ANK2: variants seen among roughly 807,000 people sequenced by gnomAD.
ANK2 encodes the protein ankyrin-2.
In ANK2, 83 loss-of-function variants were observed where a neutral mutation model predicts 360.5. That is an observed-to-expected ratio of 0.23 (90% CI 0.19 to 0.28). ANK2 has a LOEUF of 0.28. Ranked by LOEUF, ANK2 falls within the 10% of genes least tolerant of loss-of-function variation. The pLI, the probability that ANK2 is intolerant of heterozygous loss-of-function variation, is 1.00. For missense variants in ANK2, 4,201 were observed against 4,795.7 expected, an observed-to-expected ratio of 0.88 and a Z score of 3.66; for synonymous variants, 1,740 against 1,759.5, an observed-to-expected ratio of 0.99 and a Z score of 0.28.
chr4:112,825,933 C>T (rs549734631), intron 1 of ANK2, among the ~76,000 whole-genome samples: 1 of 152,152 alleles, frequency 6.6e-6, no homozygotes, highest in East Asian at 1.9e-4. Context: ...AGGGTGGGCA[C>T]CTCTCCATGA....
chr4:112,728,432 C>CA, the ANK2 span, among the ~76,000 whole-genome samples: 15 of 150,904 alleles, frequency 9.9e-5, no homozygotes, highest in African/African-American at 3.2e-4. Flanking sequence ...TTCTTAGACA[C>CA]ACACAATCTA....
intron 1 of ANK2, 61 bp from the exon 2 acceptor site, chr4:113,174,355 T>C: frequency 7.3e-7 from 1 of 1,365,996 alleles, no homozygotes. Flanking sequence ...CTTGTCTTTC[T>C]GTATTGGATA....
chr4:113,231,981 A>G (rs1447135514), intron 4 of ANK2, among the ~76,000 whole-genome samples, 180 bp from the exon 5 acceptor site: 1 of 152,196 alleles, frequency 6.6e-6, no homozygotes, highest in African/African-American at 2.4e-5. Flanking sequence ...TCATTGCTTT[A>G]GGAATTGTGT....
chr4:112,818,213 C>T (rs894170344), exon 1 of ANK2: 8 of 152,388 alleles, frequency 5.2e-5, no homozygotes, highest in African/African-American at 1.7e-4. Context: ...CTCCGGGGCC[C>T]CTCCTGCTGC....
intron 1 of ANK2, among the ~76,000 whole-genome samples, chr4:113,161,073 T>A (rs1459084074): frequency 2.0e-5 from 3 of 152,226 alleles, no homozygotes; most frequent in Non-Finnish European, 4.4e-5. Context: ...CTTGGGCATC[T>A]GGGCTAAAGT....
chr4:112,821,535 A>AGTCT (rs1169230637), intron 1 of ANK2, among the ~76,000 whole-genome samples: 3 of 145,188 alleles, frequency 2.1e-5, no homozygotes, highest in Non-Finnish European at 4.5e-5. Flanking sequence ...ACTGGGTCTC[A>AGTCT]GTCTGTCACC....
Position 113,360,908 on chromosome 4 carries a change from T to C in ANK2, c.10756+11T>C, listed in dbSNP as rs1339135184. The C allele has an allele frequency of 6.2e-7, 1 of 1,610,668 alleles. No homozygotes were observed. Among genetic ancestry groups the C allele is most frequent in the East Asian group, 2.2e-5 (1 of 44,704 alleles). On this transcript the variant is annotated intron_variant, in intron 39 of 45. Transcript: ENST00000357077. ...GCTTCAGCTGGACAGGTAAAAAGAA[T>C]GTGACCCAGGTTTTCAACAAAACCT...
At chr4:113,017,543 AGTC>A (rs2056966104) in intron 2 of ANK2, among the ~76,000 whole-genome samples, 4 of 152,214 alleles carry the variant, frequency 2.6e-5, no homozygotes, top group Non-Finnish European at 5.9e-5. Flanking sequence ...TCTATAATTT[AGTC>A]AACTGACTCT....
chr4:113,352,844 T>C (rs1588882213), intron 37 of ANK2, among the ~76,000 whole-genome samples: 1 of 152,262 alleles, frequency 6.6e-6, no homozygotes, highest in East Asian at 1.9e-4. Flanking sequence ...TTTTTCCTTT[T>C]CAGTTGTTTT....
chr4:112,915,472 CA>C (rs1250397854), intron 2 of ANK2, among the ~76,000 whole-genome samples: 1 of 151,728 alleles, frequency 6.6e-6, no homozygotes, highest in East Asian at 1.9e-4. Flanking sequence ...TTCATTTGGC[CA>C]GGTGCAGTGG....
intron 1 of ANK2, among the ~76,000 whole-genome samples, chr4:113,134,784 T>C (rs1428070938): frequency 6.6e-6 from 1 of 152,228 alleles, no homozygotes; most frequent in Non-Finnish European, 1.5e-5. Flanking sequence ...CTTGGTCTAC[T>C]AAATATTATA....
intron 1 of ANK2, among the ~76,000 whole-genome samples, chr4:113,122,527 C>T (rs574691854): frequency 2.6e-5 from 4 of 152,018 alleles, no homozygotes; most frequent in Non-Finnish European, 5.9e-5. Context: ...GTTAACTTCC[C>T]AGAACCCCTT....
At chr4:112,793,225 G>A in the ANK2 span, among the ~76,000 whole-genome samples, 13 of 151,976 alleles carry the variant, frequency 8.6e-5, no homozygotes, top group African/African-American at 3.1e-4. Context: ...TTTTAAAAGC[G>A]CTGACTTGAC....
intron 4 of ANK2, among the ~76,000 whole-genome samples, chr4:113,208,347 T>A (rs1482991880): frequency 6.6e-6 from 1 of 151,936 alleles, no homozygotes; most frequent in Non-Finnish European, 1.5e-5. Context: ...GTTATAAGAC[T>A]GATTAAGGAC....
chr4:113,318,637 T>A lies in ANK2; in HGVS notation c.2900+17T>A. Reference sequence around the variant, plus strand: ...TCATTCAGGGTGAGTAAATCAATATTATGTATCCTGATCAAGAGGTAAAAA... The same window carrying A: ...TCATTCAGGGTGAGTAAATCAATATAATGTATCCTGATCAAGAGGTAAAAA... On this transcript the variant is annotated intron_variant, in intron 26 of 45. Transcript: ENST00000357077. The A allele has an allele frequency of 6.3e-7, 1 of 1,580,774 alleles. No homozygotes were observed. The highest frequency in any genetic ancestry group is 8.7e-7 in the Non-Finnish European group (1 of 1,153,778).
chr4:112,748,377 G>T, the ANK2 span, among the ~76,000 whole-genome samples: 13,221 of 152,180 alleles, frequency 0.087, 785 homozygotes, highest in African/African-American at 0.16. Context: ...ACTTGAGCCT[G>T]CTATGGAAAT....
chr4:113,349,982 TC>T (rs1168953241), intron 36 of ANK2, among the ~76,000 whole-genome samples: 2 of 152,128 alleles, frequency 1.3e-5, no homozygotes, highest in African/African-American at 2.4e-5. Flanking sequence ...GGTCATATCT[TC>T]CCAGGATTAA....
chr4:113,317,538 G>C (rs1293853486), intron 24 of ANK2, 169 bp from the exon 25 acceptor site: 3 of 670,250 alleles, frequency 4.5e-6, no homozygotes, highest in South Asian at 3.2e-5. Context: ...GGATGTGTTA[G>C]TTCAGCTGTT....
chr4:112,732,293 A>T, the ANK2 span, among the ~76,000 whole-genome samples: 1 of 143,428 alleles, frequency 7.0e-6, no homozygotes, highest in South Asian at 2.2e-4. Context: ...CCTGTTGCCC[A>T]GGCTGGAGTG....
Sources: allele counts gnomAD v4.1 joint callset (sites outside exome capture counted in the v4.1 genomes callset), GRCh38; gene constraint gnomAD v4.1.1; transcripts MANE v1.5; gene names NCBI Gene and HGNC (gene_info 2026-07-23, HGNC 2026-07-21).